Variants in SLC2A3 observed in about 807,000 individuals in gnomAD.
SLC2A3 encodes solute carrier family 2 member 3.
SLC2A3 carries 21 observed loss-of-function variants against 46.4 expected under a neutral mutation model. The ratio of observed to expected loss-of-function variants is 0.45; its 90% CI spans 0.32 to 0.65. SLC2A3 has a LOEUF of 0.65. Among genes scored for constraint, SLC2A3 ranks in the 30% least tolerant of loss-of-function variants. SLC2A3 has a pLI of 0.04. For synonymous variants in SLC2A3, 213 were observed against 239.4 expected (o/e 0.89, Z 1.02); for missense variants, 499 against 623.3 (o/e 0.80, Z 2.12).
At position 7,936,003 on chromosome 12, in the gene SLC2A3, AATT is replaced by A; in HGVS notation, c.15+14_15+16del. On this transcript the variant is annotated intron_variant, in intron 1 of 9. Transcript: ENST00000075120. Reference sequence around the variant, plus strand: ...TCCCAAACAAGCAAAAATAACCAGTAATTATATCATTCTTACCTTCTGTGTCCC... The same window carrying A: ...TCCCAAACAAGCAAAAATAACCAGTAATATCATTCTTACCTTCTGTGTCCC... 6.3e-7 allele frequency: 1 copy of A among 1,589,162 alleles called. No homozygotes were observed. The highest frequency in any genetic ancestry group is 8.6e-7 in the Non-Finnish European group (1 of 1,157,304).
rs1946070574 is a variant in SLC2A3, at chr12:7,924,188, T to G, written c.1068+222A>C. Among the ~76,000 whole-genome samples, 3 of 152,300 alleles carry G rather than the reference T, an allele frequency of 2.0e-5. No homozygotes were observed. The South Asian group carries it at 6.2e-4, about 32-fold the overall frequency. On this transcript the variant is annotated intron_variant, in intron 8 of 9. Transcript: ENST00000075120. ...TTATTCTAAGAATTAAATTAGATAATTTATTTTATAAGCTATAATAATGTT... is the reference window on the plus strand; with the variant it reads ...TTATTCTAAGAATTAAATTAGATAAGTTATTTTATAAGCTATAATAATGTT...
chr12:7,926,605 C>A (rs1398887342), intron 6 of SLC2A3, among the ~76,000 whole-genome samples: 3 of 152,142 alleles, frequency 2.0e-5, no homozygotes, highest in Non-Finnish European at 4.4e-5. Flanking sequence ...CTCAAGTGAT[C>A]CTCCTGCCTC....
Position 7,933,119 on chromosome 12 carries a change from A to G in SLC2A3, c.137T>C (p.Leu46Ser), listed in dbSNP as rs1946175576. 6.2e-7 allele frequency: 1 copy of G among 1,614,160 alleles called. No homozygotes were observed. The highest frequency in any genetic ancestry group is 8.5e-7 in the Non-Finnish European group (1 of 1,180,016). Residue 46 changes from leucine to serine, a missense_variant, in exon 3 of 10, where the codon TTG becomes TCG. Around this residue, in one of 5 missense-constraint regions of SLC2A3, gnomAD observed 248 missense variants for 284.0 expected, o/e 0.87. Transcript: ENST00000075120. Reference sequence around the variant, plus strand: ...GGGTGGGGCATTTCCCTTGTCCGTCAAAGTTTTATTGATAAATTCCTTTAT... The same window carrying G: ...GGGTGGGGCATTTCCCTTGTCCGTCGAAGTTTTATTGATAAATTCCTTTAT... ...KIIKEFINKTLTDKGNAPPSE... is the reference protein window; with the variant it reads ...KIIKEFINKTSTDKGNAPPSE...
chr12:7,927,382 C>T (rs1946106661), intron 6 of SLC2A3, among the ~76,000 whole-genome samples: 1 of 152,008 alleles, frequency 6.6e-6, no homozygotes, highest in Admixed American at 6.6e-5. Context: ...GTCTACACGT[C>T]AAAAACCTAA....
intron 6 of SLC2A3, among the ~76,000 whole-genome samples, chr12:7,928,207 G>A (rs1946114682): frequency 6.6e-6 from 1 of 151,926 alleles, no homozygotes; most frequent in Admixed American, 6.6e-5. Context: ...AGACCATCCT[G>A]GCCAACATGG....
chr12:7,932,928 A>G, intron 3 of SLC2A3, 59 bp downstream of exon 3: 1 of 1,602,216 alleles, frequency 6.2e-7, no homozygotes, highest in Non-Finnish European at 8.5e-7. Context: ...CTAACTCTCC[A>G]CACTTGTCCT....
At position 7,919,843 on chromosome 12, in the gene SLC2A3, G is replaced by C. The variant is rs1158175586; in HGVS notation, c.*1570C>G. On this transcript the variant is annotated 3_prime_UTR_variant, in exon 10 of 10. Coordinates refer to ENST00000075120, the MANE Select transcript of SLC2A3 (RefSeq NM_006931.3). ...TGTAAGCACCAAGAAGGGAAAGGGA[G>C]ACTGAGCAACATATGAAAAAGGGGC... is the stretch of plus-strand genomic sequence containing the variant. The C allele has an allele frequency of 2.6e-5, 4 of 152,176 alleles. No homozygotes were observed. The highest frequency in any genetic ancestry group is 7.2e-5 in the African/African-American group (3 of 41,430). The allele number at this position is 152,176 out of a possible 1,614,324, so 9.4% of individuals were successfully genotyped here. A position where few individuals can be genotyped will look rare whatever the true frequency, so the allele number is the denominator to read the frequency against.
rs899403394 is a variant in SLC2A3, at chr12:7,932,923, T to A, written c.269+64A>T. On this transcript the variant is annotated intron_variant, in intron 3 of 9. Transcript: ENST00000075120. ...GGCATCATCACCTCCCTGCCCTAAC[T>A]CTCCACACTTGTCCTCAATGTGGCT... 7 of 1,592,422 alleles carry A rather than the reference T, an allele frequency of 4.4e-6. No homozygotes were observed. The African/African-American group carries it at 6.7e-5, about 15-fold the overall frequency.
chr12:7,935,699 C>G (rs774818599), intron 1 of SLC2A3, among the ~76,000 whole-genome samples: 16 of 152,124 alleles, frequency 1.1e-4, no homozygotes, highest in Non-Finnish European at 2.4e-4. Context: ...GAGACCCACA[C>G]TTGTAATCCA....
intron 1 of SLC2A3, among the ~76,000 whole-genome samples, chr12:7,934,167 G>A (rs1447535710): frequency 6.6e-6 from 1 of 152,136 alleles, no homozygotes; most frequent in Admixed American, 6.5e-5. Flanking sequence ...GGGTTGGTCA[G>A]TTTGGAAATA....
rs1447470838 is a variant in SLC2A3 at position 7,921,622 on chromosome 12, C to T, written c.1282G>A (p.Gly428Arg). The T allele has an allele frequency of 6.2e-7, 1 of 1,613,428 alleles. No homozygotes were observed. Among genetic ancestry groups the T allele is most frequent in the African/African-American group, 1.3e-5 (1 of 74,934 alleles). The change falls in exon 10 of 10, where the codon GGA (glycine) becomes AGA (arginine). Residue 428 changes from glycine (G) to arginine (R), a missense_variant. Physicochemically the swap from Gly to Arg is moderately radical, Grantham distance 125. Coordinates refer to ENST00000075120, the MANE Select transcript of SLC2A3 (RefSeq NM_006931.3). Reference protein sequence around the residue: ...LLFPSAAHYLGAYVFIIFTGF... With the variant: ...LLFPSAAHYLRAYVFIIFTGF... ...GTGAAGATAATAAAAACGTAGGCTC[C>T]TAAATAGTGCTAGAGAAAGGACAGA...
At chr12:7,929,383 C>G (rs1347749616) in intron 6 of SLC2A3, 1 of 361,252 alleles carries the variant, frequency 2.8e-6, no homozygotes, top group East Asian at 4.8e-5. Context: ...CTACCATGCT[C>G]GCTATACTAG....
At chr12:7,921,689 C>T (rs1946038081) in intron 9 of SLC2A3, 58 bp from the exon 10 acceptor site, 1 of 1,522,908 alleles carries the variant, frequency 6.6e-7, no homozygotes. Flanking sequence ...TTGACAAAGT[C>T]AATTTCCTTC....
rs561258995 is a variant in SLC2A3, at chr12:7,930,599, G to A, written c.554C>T (p.Pro185Leu). Reference sequence around the variant, plus strand: ...AAGGATGGTAAAACCCAGTAGCAGCGGCCATAGCTCTTCAGACCCAAGGAT... The same window carrying A: ...AAGGATGGTAAAACCCAGTAGCAGCAGCCATAGCTCTTCAGACCCAAGGAT... ...EFILGSEELWPLLLGFTILPA... is the reference protein window; with the variant it reads ...EFILGSEELWLLLLGFTILPA... Residue 185 changes from proline to leucine, a missense_variant, in exon 5 of 10, where the codon CCG becomes CTG. Physicochemically the swap from Pro to Leu is moderately conservative, Grantham distance 98. Coordinates refer to ENST00000075120, the MANE Select transcript of SLC2A3 (RefSeq NM_006931.3). The A allele has an allele frequency of 3.8e-5, 61 of 1,613,672 alleles. No individual in the cohort carries two copies. Among genetic ancestry groups the A allele is most frequent in the Non-Finnish European group, 4.6e-5 (54 of 1,179,880 alleles).
In SLC2A3 at chr12:7,930,592, T is replaced by A; in HGVS notation, c.561A>T (p.Leu187=). 1.9e-6 allele frequency: 3 copies of A among 1,613,936 alleles called. No homozygotes were observed. Among genetic ancestry groups the A allele is most frequent in the Non-Finnish European group, 1.7e-6 (2 of 1,179,928 alleles). Residue 187 remains leucine, a synonymous_variant, in exon 5 of 10, where the codon CTA becomes CTT. Transcript: ENST00000075120. ...TAGCAGGAAGGATGGTAAAACCCAG[T>A]AGCAGCGGCCATAGCTCTTCAGACC... ...ILGSEELWPL[L]LGFTILPAIL...
At position 7,933,798 on chromosome 12, in the gene SLC2A3, C is replaced by T; in HGVS notation, c.108+12G>A. ...CTATTCTAAATTCTAATTATTGTGG[C>T]CTGGCACTCACCTTCTCAGGAGCAT... On this transcript the variant is annotated intron_variant, in intron 2 of 9. Transcript: ENST00000075120. 6.2e-7 allele frequency: 1 copy of T among 1,610,436 alleles called. No individual in the cohort carries two copies. Among genetic ancestry groups the T allele is most frequent in the South Asian group, 1.1e-5 (1 of 90,890 alleles).
At chr12:7,928,938 G>T (rs180813267) in intron 6 of SLC2A3, among the ~76,000 whole-genome samples, 2 of 151,764 alleles carry the variant, frequency 1.3e-5, no homozygotes, top group African/African-American at 4.8e-5. Flanking sequence ...CTACAGGCAT[G>T]AGCAGCCACC....
rs1407591657 is a variant in SLC2A3, at chr12:7,919,870, G to T, written c.*1543C>A. ...CTGAGCAACATATGAAAAAGGGGCT[G>T]TAGGAACAAACACAGAGAAAATAAG... On this transcript the variant is annotated 3_prime_UTR_variant, in exon 10 of 10. Transcript: ENST00000075120. 6.6e-6 allele frequency: 1 copy of T among 152,166 alleles called. No individual in the cohort carries two copies. The highest frequency in any genetic ancestry group is 1.5e-5 in the Non-Finnish European group (1 of 68,046). The allele number at this position is 152,166 out of a possible 1,614,324, so 9.4% of individuals were successfully genotyped here.
intron 4 of SLC2A3, among the ~76,000 whole-genome samples, 155 bp from the exon 5 acceptor site, chr12:7,930,797 T>C (rs1366836206): frequency 7.0e-6 from 1 of 142,616 alleles, no homozygotes. Context: ...GCATGGTTTT[T>C]TTTTTTTTTT....
Sources: gnomAD v4.1 joint callset for allele counts (sites outside exome capture counted in the v4.1 genomes callset) on GRCh38, gnomAD v4.1.1 for gene constraint, gnomAD v4.1.1 regional missense constraint, MANE v1.5 for transcripts, NCBI Gene and HGNC (gene_info 2026-07-23, HGNC 2026-07-21) for gene names.